The following SLTM variants were observed in gnomAD, a reference collection of about 807,000 sequenced individuals.
The protein encoded by SLTM is SAFB like transcription modulator, also known as SAFB-like transcription modulator.
Under a neutral mutation model 134.6 loss-of-function variants are expected in SLTM, and 43 were observed. The ratio of observed to expected loss-of-function variants is 0.32; its 90% CI spans 0.25 to 0.41. SLTM has a LOEUF of 0.41. Among genes scored for constraint, SLTM ranks in the 10% least tolerant of loss-of-function variants. The pLI is 1.00. For synonymous variants in SLTM, 424 were observed against 432.3 expected, an observed-to-expected ratio of 0.98 and a Z score of 0.24; for missense variants, 1,055 against 1,288.8, an observed-to-expected ratio of 0.82 and a Z score of 2.78.
At chr15:58,886,597 A>C (rs1165984773) in intron 19 of SLTM, among the ~76,000 whole-genome samples, 1 of 152,192 alleles carries the variant, frequency 6.6e-6, no homozygotes, top group Non-Finnish European at 1.5e-5. Context: ...TTTATTGAAA[A>C]GGAAACACAA....
rs759100090 is a variant in SLTM, at chr15:58,883,608, A to T, written c.2996+18T>A. 6.2e-7 allele frequency: 1 copy of T among 1,613,058 alleles called. No individual in the cohort carries two copies. The highest frequency in any genetic ancestry group is 2.2e-5 in the East Asian group (1 of 44,842). ...AGTGTTGGTTGTGTGCTGGCAGAAAAACTGGTTAGTTATTTACCTTGAATG... is the reference window on the plus strand; with the variant it reads ...AGTGTTGGTTGTGTGCTGGCAGAAATACTGGTTAGTTATTTACCTTGAATG... On this transcript the variant is annotated intron_variant, in intron 20 of 20. Coordinates refer to ENST00000380516, the MANE Select transcript of SLTM (RefSeq NM_024755.4).
intron 2 of SLTM, among the ~76,000 whole-genome samples, chr15:58,922,078 T>G (rs1463966123): frequency 6.6e-6 from 1 of 152,044 alleles, no homozygotes; most frequent in Admixed American, 6.6e-5. Flanking sequence ...TAACTCATTT[T>G]AAAAAGCTAT....
intron 9 of SLTM, 66 bp from the exon 10 acceptor site, chr15:58,894,648 T>A: frequency 1.4e-6 from 2 of 1,430,182 alleles, no homozygotes; most frequent in Non-Finnish European, 2.0e-6. Flanking sequence ...TCTAAATACA[T>A]GAAACTTCAC....
intron 2 of SLTM, among the ~76,000 whole-genome samples, chr15:58,925,378 C>G (rs2037387501): frequency 6.6e-6 from 1 of 152,164 alleles, no homozygotes; most frequent in Admixed American, 6.6e-5. Flanking sequence ...TACTCTATTG[C>G]CCAGGCTGGA....
At chr15:58,897,452 G>C (rs2035176261) in intron 8 of SLTM, 1 of 421,396 alleles carries the variant, frequency 2.4e-6, no homozygotes, top group African/African-American at 2.0e-5. Context: ...GTTCTAAGTT[G>C]AAGAGGGTAA....
Position 58,893,820 on chromosome 15 carries a change from C to G in SLTM, c.1648+1G>C, listed in dbSNP as rs1279865313. ...AGGGATTGAAAAGATGTATAGCATACTTATTCGCTTCTTTTCTTCACTTTT... is the reference window on the plus strand; with the variant it reads ...AGGGATTGAAAAGATGTATAGCATAGTTATTCGCTTCTTTTCTTCACTTTT... On this transcript the variant is annotated splice_donor_variant, in intron 12 of 20. Transcript: ENST00000380516. LOFTEE classifies it high-confidence loss of function. 6 of 1,605,766 alleles carry G rather than the reference C, an allele frequency of 3.7e-6. No homozygotes were observed. The highest frequency in any genetic ancestry group is 4.2e-6 in the Non-Finnish European group (5 of 1,177,936).
intron 5 of SLTM, among the ~76,000 whole-genome samples, chr15:58,903,679 A>G (rs2035652481): frequency 6.6e-6 from 1 of 151,606 alleles, no homozygotes; most frequent in South Asian, 2.1e-4. Context: ...CTAAAACTTA[A>G]AGTATAATAA....
chr15:58,929,380 G>A (rs1306831436), intron 2 of SLTM, among the ~76,000 whole-genome samples: 5 of 150,904 alleles, frequency 3.3e-5, no homozygotes, highest in South Asian at 2.1e-4. Flanking sequence ...ACCGGGAGGC[G>A]GAGGTTGCAG....
In SLTM at chr15:58,892,962, C is replaced by T; in HGVS notation, c.1833G>A (p.Lys611=). Residue 611 remains lysine, a synonymous_variant, in exon 14 of 21, where the codon AAG becomes AAA. Coordinates refer to ENST00000380516, the MANE Select transcript of SLTM (RefSeq NM_024755.4). The part of the protein sequence containing the change: ...RKEILPFEKM[K]EQRLREHLVR... ...CTAAATGTTCTCTCAACCTTTGTTC[C>T]TTCATCTTTTCAAAAGGCAAGATCT... The T allele has an allele frequency of 6.2e-7, 1 of 1,613,806 alleles. No individual in the cohort carries two copies. Among genetic ancestry groups the T allele is most frequent in the Non-Finnish European group, 8.5e-7 (1 of 1,179,904 alleles).
At chr15:58,924,185 CAAAAT>C (rs2037302520) in intron 2 of SLTM, among the ~76,000 whole-genome samples, 1 of 152,104 alleles carries the variant, frequency 6.6e-6, no homozygotes, top group African/African-American at 2.4e-5. Context: ...ATCTGAATAA[CAAAAT>C]AAAAAATGAA....
At position 58,880,041 on chromosome 15, in the gene SLTM, G is replaced by A. The variant is rs1314400047; in HGVS notation, c.3063C>T (p.Ser1021=). ...SGNSMPRGSG[S]GFKPFKGGPP... ...GTCCACCCTTAAATGGCTTAAATCC[G>A]GAGCCACTTCCTCTTGGCATGGAAT... The change falls in exon 21 of 21, where the codon TCC becomes TCT. Residue 1021 remains serine, a synonymous_variant. Transcript: ENST00000380516. 5.6e-6 allele frequency: 9 copies of A among 1,613,838 alleles called. No individual in the cohort carries two copies. The highest frequency in any genetic ancestry group is 1.7e-5 in the Admixed American group (1 of 59,988).
At chr15:58,901,154 A>C in intron 6 of SLTM, 106 bp downstream of exon 6, 1 of 894,582 alleles carries the variant, frequency 1.1e-6, no homozygotes, top group African/African-American at 1.7e-5. Context: ...GATAAATTTG[A>C]AAATAAACTA....
At chr15:58,905,466 G>T (rs1307421254) in intron 5 of SLTM, among the ~76,000 whole-genome samples, 1 of 152,154 alleles carries the variant, frequency 6.6e-6, no homozygotes, top group Non-Finnish European at 1.5e-5. Context: ...ACTTTAGGAG[G>T]CTGAGGCAGG....
At chr15:58,893,127 T>C (rs1309962279) in intron 13 of SLTM, 67 bp from the exon 14 acceptor site, 1 of 1,477,556 alleles carries the variant, frequency 6.8e-7, no homozygotes, top group Non-Finnish European at 9.1e-7. Context: ...TCAAGTTTAG[T>C]AGGTCATTTA....
At chr15:58,909,636 G>A (rs2036116434) in intron 5 of SLTM, among the ~76,000 whole-genome samples, 4 of 152,190 alleles carry the variant, frequency 2.6e-5, no homozygotes, top group Admixed American at 6.5e-5. Flanking sequence ...GATATTATGT[G>A]CATCCAAATA....
intron 2 of SLTM, among the ~76,000 whole-genome samples, chr15:58,918,454 A>G (rs185593051): frequency 6.6e-6 from 1 of 152,252 alleles, no homozygotes; most frequent in East Asian, 1.9e-4. Context: ...TCTACTCCCA[A>G]TTCTAAGTCA....
In SLTM at chr15:58,893,341, C is replaced by T; in HGVS notation, c.1672G>A (p.Val558Ile). The change falls in exon 13 of 21, where the codon GTA (valine) becomes ATA (isoleucine). Residue 558 changes from valine to isoleucine, a missense_variant. By Grantham distance (29) the Val-to-Ile change is conservative. Coordinates refer to ENST00000380516, the MANE Select transcript of SLTM (RefSeq NM_024755.4). ...RISSKSPGHM[V>I]ILDQTKGDHC... ...TCTCCTTTAGTTTGGTCTAGTATTACCATATGTCCTGGACTCTTGGAACCT... is the reference window on the plus strand; with the variant it reads ...TCTCCTTTAGTTTGGTCTAGTATTATCATATGTCCTGGACTCTTGGAACCT... 6.2e-7 allele frequency: 1 copy of T among 1,608,852 alleles called. No individual in the cohort carries two copies. Among genetic ancestry groups the T allele is most frequent in the Non-Finnish European group, 8.5e-7 (1 of 1,178,200 alleles).
intron 2 of SLTM, among the ~76,000 whole-genome samples, chr15:58,927,151 A>G (rs2037531714): frequency 6.6e-6 from 1 of 152,238 alleles, no homozygotes; most frequent in Admixed American, 6.5e-5. Flanking sequence ...TTTAAAAAAA[A>G]GATAAAAACT....
In SLTM at chr15:58,882,631, A is replaced by G. The variant is rs183391077; in HGVS notation, c.2996+995T>C. The stretch of plus-strand genomic sequence containing the variant: ...GAAAAGTCATCGGTGACCTTTACAA[A>G]CCAGATACAATGAATGTTGAGCTTG... On this transcript the variant is annotated intron_variant, in intron 20 of 20. Coordinates refer to ENST00000380516, the MANE Select transcript of SLTM (RefSeq NM_024755.4). Among the ~76,000 whole-genome samples, 252 of 152,384 alleles carry G rather than the reference A, an allele frequency of 1.7e-3. 1 individual carries two copies. Among genetic ancestry groups the G allele is most frequent in the Non-Finnish European group, 3.1e-3 (212 of 68,040 alleles).
Sources: gnomAD v4.1 joint callset for allele counts (sites outside exome capture counted in the v4.1 genomes callset) on GRCh38, gnomAD v4.1.1 for gene constraint, MANE v1.5 for transcripts, NCBI Gene and HGNC (gene_info 2026-07-23, HGNC 2026-07-21) for gene names.